Variants in SKI observed in about 807,000 individuals in gnomAD.
SKI encodes the protein SKI proto-oncogene, also known as ski oncogene.
In SKI, 23 loss-of-function variants were observed where a neutral mutation model predicts 59.3. The ratio of observed to expected loss-of-function variants is 0.39; its 90% CI spans 0.28 to 0.55. The LOEUF is 0.55. Among genes scored for constraint, SKI ranks in the 20% least tolerant of loss-of-function variants. SKI has a pLI of 0.67. For synonymous variants in SKI, 673 were observed against 488.6 expected (o/e 1.38, Z -4.98); for missense variants, 1,017 against 1,038.9 (o/e 0.98, Z 0.29).
chr1:2,297,036 C>T (rs1170511665), intron 1 of SKI, among the ~76,000 whole-genome samples: 2 of 151,988 alleles, frequency 1.3e-5, no homozygotes, highest in African/African-American at 4.8e-5. Flanking sequence ...AGGTGCCAGG[C>T]ACCCGCACAG....
At position 2,290,111 on chromosome 1, in the gene SKI, C is replaced by T. The variant is rs1181055767; in HGVS notation, c.970-12867C>T. Among the ~76,000 whole-genome samples, 5 of 151,974 alleles carry T rather than the reference C, an allele frequency of 3.3e-5. No homozygotes were observed. The East Asian group carries it at 5.8e-4, about 18-fold the overall frequency. ...GATGTTCCTAGAGTGGGGAGGGAGT[C>T]GGTAAGGCAAGGGTGATGTTGGTTG... On this transcript the variant is annotated intron_variant, in intron 1 of 6. Coordinates refer to ENST00000378536, the MANE Select transcript of SKI (RefSeq NM_003036.4).
intron 1 of SKI, among the ~76,000 whole-genome samples, chr1:2,230,306 A>C (rs1406893399): frequency 6.6e-6 from 1 of 152,108 alleles, no homozygotes; most frequent in African/African-American, 2.4e-5. Context: ...GGACACAGAC[A>C]CAAAATGAAG....
At chr1:2,236,651 C>T (rs1267913718) in intron 1 of SKI, among the ~76,000 whole-genome samples, 1 of 152,186 alleles carries the variant, frequency 6.6e-6, no homozygotes, top group African/African-American at 2.4e-5. Flanking sequence ...TTGATCTGCC[C>T]ACCTCGGCCT....
rs572242370 is a variant in SKI at position 2,283,348 on chromosome 1, CAG to C, written c.970-19629_970-19628del. On this transcript the variant is annotated intron_variant, in intron 1 of 6. Coordinates refer to ENST00000378536, the MANE Select transcript of SKI (RefSeq NM_003036.4). ...TTGACAGGGCAAGGACTCAGAGCCTCAGGGGGGGGAGGGCAGGGCCTCCTGAG... is the reference window on the plus strand; with the variant it reads ...TTGACAGGGCAAGGACTCAGAGCCTCGGGGGGGAGGGCAGGGCCTCCTGAG... 7.2e-4 allele frequency among the ~76,000 whole-genome samples: 105 copies of C among 145,416 alleles called. No homozygotes were observed. The East Asian group carries it at 8.6e-3, about 12-fold the overall frequency.
At chr1:2,265,335 C>T (rs928709198) in intron 1 of SKI, among the ~76,000 whole-genome samples, 1 of 152,118 alleles carries the variant, frequency 6.6e-6, no homozygotes, top group African/African-American at 2.4e-5. Flanking sequence ...TTTTTTTCCT[C>T]TATTTCCCTG....
chr1:2,230,246 C>T (rs894630678), intron 1 of SKI, among the ~76,000 whole-genome samples: 1 of 152,236 alleles, frequency 6.6e-6, no homozygotes, highest in Admixed American at 6.5e-5. Flanking sequence ...TGAGGCGAGG[C>T]CTGGTTTTGT....
rs3065260 is a variant in SKI at position 2,260,535 on chromosome 1, C to CTTTTTTTTTTTTTTTTTT, written c.969+30806_969+30823dup. On this transcript the variant is annotated intron_variant, in intron 1 of 6. Coordinates refer to ENST00000378536, the MANE Select transcript of SKI (RefSeq NM_003036.4). ...TCCAATTTTTCAGTTTGTTCTTTTTCTTTTTTTTTTTTTTTTTTTTTTTGA... is the reference window on the plus strand; with the variant it reads ...TCCAATTTTTCAGTTTGTTCTTTTTCTTTTTTTTTTTTTTTTTTTTTTTTTTTTTTTTTTTTTTTTTGA... Among the ~76,000 whole-genome samples, 309 of 67,802 alleles carry CTTTTTTTTTTTTTTTTTT rather than the reference C, an allele frequency of 4.6e-3. 51 individuals carry two copies. The highest frequency in any genetic ancestry group is 9.8e-3 in the African/African-American group (158 of 16,140). 44.5% of individuals were successfully genotyped at this position (67,802 alleles called of 152,430 possible). A position where few individuals can be genotyped will look rare whatever the true frequency, so the allele number is the denominator to read the frequency against.
rs139087545 is a variant in SKI, at chr1:2,262,985, C to T, written c.969+33250C>T. Among the ~76,000 whole-genome samples the T allele has an allele frequency of 5.2e-3, 787 of 152,092 alleles. 4 individuals are homozygous for T. The highest frequency in any genetic ancestry group is 0.016 in the African/African-American group (649 of 41,466). On this transcript the variant is annotated intron_variant, in intron 1 of 6. Transcript: ENST00000378536. ...CGCTATCTCGGCTCACTGTAACCCC[C>T]GCCTTCCAGGTTCAAATGATTCTCC...
At chr1:2,297,424 C>A (rs376413190) in intron 1 of SKI, among the ~76,000 whole-genome samples, 13 of 152,224 alleles carry the variant, frequency 8.5e-5, no homozygotes, top group Non-Finnish European at 7.3e-5. Context: ...CCGCTCACCA[C>A]GCTGTGGGCG....
chr1:2,242,908 TG>T (rs1434936563), intron 1 of SKI, among the ~76,000 whole-genome samples: 1 of 152,238 alleles, frequency 6.6e-6, no homozygotes, highest in Non-Finnish European at 1.5e-5. Context: ...GTGTTCTCTG[TG>T]GGAATATTAT....
At position 2,284,470 on chromosome 1, in the gene SKI, A is replaced by T. The variant is rs2643913; in HGVS notation, c.970-18508A>T. Among the ~76,000 whole-genome samples the T allele has an allele frequency of 2.0e-5, 3 of 152,136 alleles. No individual in the cohort carries two copies. The South Asian group carries it at 6.2e-4, about 31-fold the overall frequency. ...ATTGGGCAACGGCAGCTCCGTGTGAAGTAGAGATTGTCTGGAAGAGATTTG... is the reference window on the plus strand; with the variant it reads ...ATTGGGCAACGGCAGCTCCGTGTGATGTAGAGATTGTCTGGAAGAGATTTG... On this transcript the variant is annotated intron_variant, in intron 1 of 6. Transcript: ENST00000378536.
At chr1:2,295,962 G>A (rs1270627714) in intron 1 of SKI, among the ~76,000 whole-genome samples, 1 of 152,142 alleles carries the variant, frequency 6.6e-6, no homozygotes, top group Admixed American at 6.5e-5. Context: ...ATTGCTGGGC[G>A]ATGTAACTGT....
intron 1 of SKI, among the ~76,000 whole-genome samples, chr1:2,256,534 G>A (rs907108712): frequency 6.6e-6 from 1 of 152,234 alleles, no homozygotes; most frequent in Admixed American, 6.5e-5. Context: ...CCTGGTGAGG[G>A]ATTCTAGGGG....
chr1:2,270,649 A>G lies in SKI; in HGVS notation c.970-32329A>G, dbSNP rs1639596354. The stretch of plus-strand genomic sequence containing the variant: ...GCCTTTCTCTGGGTGTCTGAACCCA[A>G]GGTGAAAAGTTCAGGCTGTCCCTGC... On this transcript the variant is annotated intron_variant, in intron 1 of 6. Coordinates refer to ENST00000378536, the MANE Select transcript of SKI (RefSeq NM_003036.4). This position sits in a 1 kb window ranked among gnomAD's most constrained non-coding sequence, Gnocchi z 4.1. 6.6e-6 allele frequency among the ~76,000 whole-genome samples: 1 copy of G among 152,108 alleles called. No individual in the cohort carries two copies. Among genetic ancestry groups the G allele is most frequent in the African/African-American group, 2.4e-5 (1 of 41,442 alleles).
chr1:2,301,623 C>T (rs541726396), intron 1 of SKI, among the ~76,000 whole-genome samples: 105 of 152,302 alleles, frequency 6.9e-4, no homozygotes, highest in African/African-American at 2.5e-3. Flanking sequence ...GCCCCATCTT[C>T]CCCCTAGGGA....
rs1639914641 is a variant in SKI, at chr1:2,282,490, TCTTCAGAGAGAGGAC to T, written c.970-20487_970-20473del. Reference sequence around the variant, plus strand: ...CTGAGAAGACAGGCGGTGGTGGAGATCTTCAGAGAGAGGACGCCTGAGAAGACAGGCAGTGGCGGA... The same window carrying T: ...CTGAGAAGACAGGCGGTGGTGGAGATGCCTGAGAAGACAGGCAGTGGCGGA... On this transcript the variant is annotated intron_variant, in intron 1 of 6. Coordinates refer to ENST00000378536, the MANE Select transcript of SKI (RefSeq NM_003036.4). Among the ~76,000 whole-genome samples, 4 of 129,116 alleles carry T rather than the reference TCTTCAGAGAGAGGAC, an allele frequency of 3.1e-5. 1 individual carries two copies. The highest frequency in any genetic ancestry group is 1.8e-5 in the Non-Finnish European group (1 of 56,708). The allele number at this position is 129,116 out of a possible 152,430, so 84.7% of individuals were successfully genotyped here.
Position 2,229,552 on chromosome 1 carries a change from C to T in SKI, c.786C>T (p.His262=). ...LMYPPHKFVV[H]SHKALENRTC... ...ACCCGCCGCACAAGTTCGTGGTGCA[C>T]TCGCACAAGGCCCTGGAGAACCGGA... Residue 262 remains histidine, a synonymous_variant, in exon 1 of 7, where the codon CAC becomes CAT. Transcript: ENST00000378536. The surrounding 1 kb of genome is among the most constrained non-coding windows in gnomAD (Gnocchi z 6.3). 6.2e-7 allele frequency: 1 copy of T among 1,611,444 alleles called. No homozygotes were observed. Among genetic ancestry groups the T allele is most frequent in the Non-Finnish European group, 8.5e-7 (1 of 1,179,954 alleles).
intron 1 of SKI, among the ~76,000 whole-genome samples, chr1:2,261,514 T>C (rs1639385613): frequency 6.6e-6 from 1 of 152,224 alleles, no homozygotes. Flanking sequence ...GGTTTTTTCT[T>C]GGTCTTGTAA....
intron 1 of SKI, among the ~76,000 whole-genome samples, chr1:2,288,566 C>A (rs1052957991): frequency 3.3e-5 from 5 of 152,210 alleles, no homozygotes; most frequent in Admixed American, 2.0e-4. Flanking sequence ...CGTGCGTGCA[C>A]ATTTGTTTGC....
Sources: allele counts gnomAD v4.1 joint callset (sites outside exome capture counted in the v4.1 genomes callset), GRCh38; gene constraint gnomAD v4.1.1; non-coding constraint Gnocchi (gnomAD v3.1); transcripts MANE v1.5; gene names NCBI Gene and HGNC (gene_info 2026-07-23, HGNC 2026-07-21).